LRP1B: variants seen among roughly 807,000 people sequenced by gnomAD.
LRP1B encodes the protein low-density lipoprotein receptor-related protein 1B.
LRP1B carries 217 observed loss-of-function variants against 556.6 expected under a neutral mutation model. That is an observed-to-expected ratio of 0.39 (90% CI 0.35 to 0.44). LRP1B has a LOEUF of 0.44. Among genes scored for constraint, LRP1B ranks in the 20% least tolerant of loss-of-function variants. The pLI is 1.00. For missense variants in LRP1B, 5,053 were observed against 5,620.8 expected (o/e 0.90, Z 3.23); for synonymous variants, 2,047 against 1,865.8 (o/e 1.10, Z -2.50).
At chr2:141,357,088 CT>C (rs1273905442) in intron 3 of LRP1B, among the ~76,000 whole-genome samples, 1 of 151,094 alleles carries the variant, frequency 6.6e-6, no homozygotes, top group Non-Finnish European at 1.5e-5. Flanking sequence ...CAGAGTTTTG[CT>C]CTGTTACCTA....
At chr2:140,244,918 A>C (rs1054823147) in intron 87 of LRP1B, among the ~76,000 whole-genome samples, 62 of 151,446 alleles carry the variant, frequency 4.1e-4, no homozygotes, top group Non-Finnish European at 5.0e-4. Context: ...CAAAACCACT[A>C]GATTTTACCC....
intron 1 of LRP1B, among the ~76,000 whole-genome samples, chr2:141,880,158 A>T (rs1195395163): frequency 6.6e-6 from 1 of 151,940 alleles, no homozygotes; most frequent in East Asian, 1.9e-4. Flanking sequence ...AATATCTACG[A>T]TCCATCAAGG....
chr2:140,761,973 T>TATG (rs66893232), intron 35 of LRP1B, among the ~76,000 whole-genome samples: 6,599 of 150,298 alleles, frequency 0.044, 314 homozygotes, highest in African/African-American at 0.11. Flanking sequence ...TGATGATAAC[T>TATG]ATGATGATGA....
At chr2:140,792,939 C>T (rs1041921299) in intron 32 of LRP1B, among the ~76,000 whole-genome samples, 1 of 151,306 alleles carries the variant, frequency 6.6e-6, no homozygotes, top group Non-Finnish European at 1.5e-5. Context: ...CTATAATTTC[C>T]AAAATAAAGG....
At chr2:141,682,490 T>C (rs1294074179) in intron 2 of LRP1B, among the ~76,000 whole-genome samples, 1 of 152,162 alleles carries the variant, frequency 6.6e-6, no homozygotes, top group Non-Finnish European at 1.5e-5. Context: ...AGTAGTTCTA[T>C]TTTGGTTCAG....
chr2:141,199,179 A>G (rs1286781409), intron 6 of LRP1B, among the ~76,000 whole-genome samples: 1 of 152,122 alleles, frequency 6.6e-6, no homozygotes, highest in Non-Finnish European at 1.5e-5. Flanking sequence ...GACTCTTAAG[A>G]TTTACTGTCC....
intron 2 of LRP1B, among the ~76,000 whole-genome samples, chr2:141,674,614 G>A (rs1210751356): frequency 6.6e-6 from 1 of 151,954 alleles, no homozygotes; most frequent in Non-Finnish European, 1.5e-5. Context: ...TGCTTCACGT[G>A]CATGGTTTCA....
chr2:140,433,046 A>G (rs1686020875), intron 66 of LRP1B, among the ~76,000 whole-genome samples: 4 of 152,244 alleles, frequency 2.6e-5, no homozygotes, highest in Non-Finnish European at 5.9e-5. Flanking sequence ...TTGGTAATAG[A>G]GGAAATTAGA....
chr2:141,674,534 A>C (rs1334513775), intron 2 of LRP1B, among the ~76,000 whole-genome samples: 3 of 152,062 alleles, frequency 2.0e-5, no homozygotes, highest in Non-Finnish European at 4.4e-5. Flanking sequence ...TTCACACTGG[A>C]AACATATCTA....
chr2:141,533,768 T>G (rs1236497446), intron 2 of LRP1B, among the ~76,000 whole-genome samples: 1 of 152,156 alleles, frequency 6.6e-6, no homozygotes, highest in Admixed American at 6.5e-5. Context: ...TCTAAGGGTT[T>G]CAGTGCCTAA....
chr2:141,818,219 A>G (rs564298036), intron 1 of LRP1B, among the ~76,000 whole-genome samples: 11 of 152,302 alleles, frequency 7.2e-5, no homozygotes, highest in African/African-American at 2.4e-4. Context: ...ATTCTTGTAG[A>G]GGCCTACAGA....
intron 7 of LRP1B, among the ~76,000 whole-genome samples, chr2:141,155,184 T>A (rs1015463251): frequency 6.6e-6 from 1 of 151,826 alleles, no homozygotes; most frequent in African/African-American, 2.4e-5. Context: ...TTTTTCCCCC[T>A]AAGTCTCTGA....
At chr2:141,511,163 T>G (rs35266942) in intron 2 of LRP1B, among the ~76,000 whole-genome samples, 1 of 152,064 alleles carries the variant, frequency 6.6e-6, no homozygotes, top group African/African-American at 2.4e-5. Flanking sequence ...TATGAAAATA[T>G]GTGGTGCAGT....
chr2:140,381,861 CAAAAAAAAAAAA>C lies in LRP1B; in HGVS notation c.10532-3587_10532-3576del, dbSNP rs56723132. On this transcript the variant is annotated intron_variant, in intron 67 of 90. Transcript: ENST00000389484. ...TGGGCAACAAAGTGAGGCTCCCTTT[CAAAAAAAAAAAA>C]AAAAAAAAAAAAAGAGGAGAAAAGA... Among the ~76,000 whole-genome samples, 52 of 64,206 alleles carry C rather than the reference CAAAAAAAAAAAA, an allele frequency of 8.1e-4. 1 individual carries two copies. Among genetic ancestry groups the C allele is most frequent in the African/African-American group, 2.4e-3 (46 of 18,974 alleles). The allele number at this position is 64,206 out of a possible 152,430, so 42.1% of individuals were successfully genotyped here.
At chr2:140,772,756 C>A (rs1401107251) in intron 33 of LRP1B, among the ~76,000 whole-genome samples, 1 of 151,994 alleles carries the variant, frequency 6.6e-6, no homozygotes, top group African/African-American at 2.4e-5. Flanking sequence ...GGGAGACATC[C>A]GCAGATGATA....
At chr2:141,494,914 C>T (rs1473327616) in intron 2 of LRP1B, among the ~76,000 whole-genome samples, 1 of 151,408 alleles carries the variant, frequency 6.6e-6, no homozygotes, top group Non-Finnish European at 1.5e-5. Context: ...TTCTGAATGG[C>T]CTGCAAAAAT....
chr2:140,652,247 G>T (rs1684716307), intron 41 of LRP1B, among the ~76,000 whole-genome samples: 1 of 151,724 alleles, frequency 6.6e-6, no homozygotes, highest in Non-Finnish European at 1.5e-5. Context: ...TTCTTGATGG[G>T]AAAGACAAAT....
intron 2 of LRP1B, among the ~76,000 whole-genome samples, chr2:141,589,078 C>T (rs72855448): frequency 0.055 from 8,424 of 152,186 alleles, 307 homozygotes; most frequent in South Asian, 0.19. Context: ...TATTACCCAA[C>T]AACTATATTA....
chr2:140,829,896 A>G (rs922113383), intron 31 of LRP1B, among the ~76,000 whole-genome samples: 1 of 151,952 alleles, frequency 6.6e-6, no homozygotes, highest in Non-Finnish European at 1.5e-5. Flanking sequence ...AAAGAAAGAA[A>G]AGACAAAATC....
Sources: allele counts gnomAD v4.1 joint callset (sites outside exome capture counted in the v4.1 genomes callset), GRCh38; gene constraint gnomAD v4.1.1; transcripts MANE v1.5; gene names NCBI Gene and HGNC (gene_info 2026-07-23, HGNC 2026-07-21).